The following DEK variants were observed in gnomAD, a reference collection of about 807,000 sequenced individuals.
DEK encodes the protein DEK proto-oncogene, also known as protein DEK.
Under a neutral mutation model 46.8 loss-of-function variants are expected in DEK, and 28 were observed. The ratio of observed to expected loss-of-function variants is 0.60; its 90% CI spans 0.44 to 0.82. The LOEUF is 0.82. Ranked by LOEUF, DEK falls within the 40% of genes least tolerant of loss-of-function variation. The pLI, the probability that DEK is intolerant of heterozygous loss-of-function variation, is 0.00. For missense variants in DEK, 416 were observed against 430.6 expected (o/e 0.97, Z 0.30); for synonymous variants, 160 against 144.5 (o/e 1.11, Z -0.77).
chr6:18,246,664 G>A (rs916072149), intron 7 of DEK, among the ~76,000 whole-genome samples: 4 of 152,120 alleles, frequency 2.6e-5, no homozygotes, highest in Non-Finnish European at 5.9e-5. Context: ...AAACTAGGAG[G>A]AAAATAAATA....
chr6:18,226,231 AT>A lies in DEK; in HGVS notation c.1058del (p.Asn353IlefsTer7). 7.4e-7 allele frequency: 1 copy of A among 1,352,630 alleles called. No individual in the cohort carries two copies. The highest frequency in any genetic ancestry group is 9.9e-7 in the Non-Finnish European group (1 of 1,012,556). The allele number at this position is 1,352,630 out of a possible 1,614,324, so 83.8% of individuals were successfully genotyped here. A position where few individuals can be genotyped will look rare whatever the true frequency, so the allele number is the denominator to read the frequency against. On this transcript the variant is annotated frameshift_variant, in exon 10 of 11. Transcript: ENST00000652689. LOFTEE classifies it high-confidence loss of function. The part of the protein sequence containing the change: ...MKQICKKVYE[N>X]YPTYDLTERK... ...TTTCAGTTAAATCATAAGTAGGATA[AT>A]TTTCATAGACCTATGTATAGTGAAA...
At chr6:18,238,312 A>C (rs1487278325) in intron 7 of DEK, among the ~76,000 whole-genome samples, 1 of 152,212 alleles carries the variant, frequency 6.6e-6, no homozygotes, top group Non-Finnish European at 1.5e-5. Flanking sequence ...ATAAACATGC[A>C]AGATTCAAAT....
rs775257092 is a variant in DEK at position 18,249,660 on chromosome 6, ACTTT to A, written c.749_752del (p.Glu250ValfsTer27). 4.4e-6 allele frequency: 7 copies of A among 1,577,638 alleles called. No homozygotes were observed. Among genetic ancestry groups the A allele is most frequent in the African/African-American group, 2.8e-5 (2 of 72,588 alleles). ...TAGTAAAATATTTTACCTCCTCTTCACTTTCTTTATCTTCATCATCTGAAGACTC... is the reference window on the plus strand; with the variant it reads ...TAGTAAAATATTTTACCTCCTCTTCACTTTATCTTCATCATCTGAAGACTC... On this transcript the variant is annotated frameshift_variant, in exon 7 of 11. Transcript: ENST00000652689. LOFTEE classifies it high-confidence loss of function.
intron 2 of DEK, among the ~76,000 whole-genome samples, chr6:18,261,416 T>C (rs1791859380): frequency 6.6e-6 from 1 of 152,006 alleles, no homozygotes; most frequent in Non-Finnish European, 1.5e-5. Context: ...CTATTAAAAA[T>C]ACAAAATCAG....
chr6:18,250,727 C>T (rs1011207235), intron 6 of DEK, among the ~76,000 whole-genome samples: 6 of 151,858 alleles, frequency 4.0e-5, no homozygotes, highest in African/African-American at 1.4e-4. Context: ...AACTCCTGAC[C>T]TCAAGTGATC....
chr6:18,227,288 C>T (rs901276706), intron 9 of DEK, among the ~76,000 whole-genome samples: 19 of 152,144 alleles, frequency 1.2e-4, no homozygotes, highest in African/African-American at 2.2e-4. Context: ...CCCGATTGTA[C>T]GTTCCATCTA....
intron 2 of DEK, among the ~76,000 whole-genome samples, chr6:18,259,861 T>C (rs767346513): frequency 6.0e-4 from 92 of 152,328 alleles, no homozygotes; most frequent in Non-Finnish European, 1.1e-3. Context: ...GAGAAAGGGC[T>C]ATCAACAGGT....
chr6:18,239,623 G>A (rs1018475471), intron 7 of DEK, among the ~76,000 whole-genome samples: 7 of 152,098 alleles, frequency 4.6e-5, no homozygotes, highest in Non-Finnish European at 8.8e-5. Flanking sequence ...AAGGTGTCAA[G>A]GGGCTGACAT....
chr6:18,229,658 C>T (rs966147366), intron 9 of DEK, among the ~76,000 whole-genome samples: 11 of 151,906 alleles, frequency 7.2e-5, no homozygotes, highest in African/African-American at 1.5e-4. Flanking sequence ...TGAAATGAAG[C>T]GAGAAGAGAA....
chr6:18,227,283 T>C (rs905013642), intron 9 of DEK, among the ~76,000 whole-genome samples: 1 of 152,144 alleles, frequency 6.6e-6, no homozygotes, highest in African/African-American at 2.4e-5. Context: ...TAAAACCCGA[T>C]TGTACGTTCC....
At chr6:18,237,891 G>C (rs576667705) in intron 7 of DEK, among the ~76,000 whole-genome samples, 3 of 115,756 alleles carry the variant, frequency 2.6e-5, no homozygotes, top group Non-Finnish European at 5.0e-5. Context: ...TTTTGAGACA[G>C]AGTCTTGCTG....
At chr6:18,252,532 A>G (rs544061638) in intron 6 of DEK, among the ~76,000 whole-genome samples, 7,601 of 148,034 alleles carry the variant, frequency 0.051, 220 homozygotes, top group Middle Eastern at 0.1. Flanking sequence ...AAAAAAAAAA[A>G]AAAGAAAATA....
At chr6:18,263,719 G>C (rs1453012867) in intron 2 of DEK, 124 bp downstream of exon 2, 1 of 1,583,292 alleles carries the variant, frequency 6.3e-7, no homozygotes, top group East Asian at 2.3e-5. Flanking sequence ...ACACATTCTC[G>C]CTGAAAATCA....
chr6:18,247,533 G>T (rs531029502), intron 7 of DEK, among the ~76,000 whole-genome samples: 1 of 152,170 alleles, frequency 6.6e-6, no homozygotes, highest in Non-Finnish European at 1.5e-5. Context: ...TTTATAGTGA[G>T]ATGGTTCCAC....
At chr6:18,225,966 T>C (rs1324182282) in intron 10 of DEK, 2 of 696,948 alleles carry the variant, frequency 2.9e-6, no homozygotes, top group Non-Finnish European at 4.5e-6. Context: ...CATCATAATC[T>C]GAGTTCAGGT....
chr6:18,233,326 G>A lies in DEK; in HGVS notation c.1047+3126C>T, dbSNP rs572769722. On this transcript the variant is annotated intron_variant, in intron 9 of 10. Coordinates refer to ENST00000652689, the MANE Select transcript of DEK (RefSeq NM_003472.4). ...CATGTCTAAAACACCAAAAGCAATG[G>A]CAACAAAAGCCAAAATTGACAAATG... is the stretch of plus-strand genomic sequence containing the variant. Among the ~76,000 whole-genome samples the A allele has an allele frequency of 3.9e-5, 6 of 152,196 alleles. No homozygotes were observed. The South Asian group carries it at 1.2e-3, about 32-fold the overall frequency.
chr6:18,234,121 G>T (rs1464892398), intron 9 of DEK, among the ~76,000 whole-genome samples: 1 of 150,350 alleles, frequency 6.7e-6, no homozygotes, highest in African/African-American at 2.5e-5. Flanking sequence ...CTCACTCATA[G>T]GTGGGAATTG....
intron 9 of DEK, among the ~76,000 whole-genome samples, chr6:18,233,501 G>GA (rs1184509303): frequency 6.6e-6 from 1 of 152,072 alleles, no homozygotes; most frequent in Admixed American, 6.5e-5. Context: ...AAATTTACAA[G>GA]AAAAAATCAA....
rs756833320 is a variant in DEK at position 18,258,341 on chromosome 6, G to A, written c.210C>T (p.Val70=). Residue 70 remains valine (V), a synonymous_variant, in exon 3 of 11, where the codon GTC becomes GTT. Coordinates refer to ENST00000652689, the MANE Select transcript of DEK (RefSeq NM_003472.4). ...TAAATGGCTCTCTCTGTAAGGAAGA[G>A]ACTTGCATTGTCAACCTCTCTACTT... The part of the protein sequence containing the change: ...KKKVERLTMQ[V]SSLQREPFTI... 12 of 1,613,370 alleles carry A rather than the reference G, an allele frequency of 7.4e-6. No individual in the cohort carries two copies. In the South Asian group the frequency reaches 9.9e-5, roughly 13 times the overall value.
Sources: gnomAD v4.1 joint callset for allele counts (sites outside exome capture counted in the v4.1 genomes callset) on GRCh38, gnomAD v4.1.1 for gene constraint, MANE v1.5 for transcripts, NCBI Gene and HGNC (gene_info 2026-07-23, HGNC 2026-07-21) for gene names.